Variants in CAMKMT observed in about 807,000 individuals in gnomAD.
The protein encoded by CAMKMT is calmodulin-lysine N-methyltransferase.
CAMKMT carries 53 observed loss-of-function variants against 48.0 expected under a neutral mutation model. The observed-to-expected ratio is 1.10, with a 90% confidence interval of 0.89 to 1.39. The LOEUF (loss-of-function observed/expected upper bound fraction) is 1.39. Among genes scored for constraint, CAMKMT ranks in the 40% most tolerant of loss-of-function variants. The pLI, the probability that CAMKMT is intolerant of heterozygous loss-of-function variation, is 0.00. For missense variants in CAMKMT, 428 were observed against 402.7 expected, an observed-to-expected ratio of 1.06 and a Z score of -0.54; for synonymous variants, 165 against 152.3, an observed-to-expected ratio of 1.08 and a Z score of -0.61.
At chr2:44,408,891 A>T (rs892345363) in intron 3 of CAMKMT, among the ~76,000 whole-genome samples, 1 of 151,500 alleles carries the variant, frequency 6.6e-6, no homozygotes, top group Non-Finnish European at 1.5e-5. Context: ...ACAGGTGCAC[A>T]CCACCACACC....
intron 3 of CAMKMT, among the ~76,000 whole-genome samples, chr2:44,632,505 G>A (rs1051483903): frequency 6.6e-6 from 1 of 152,150 alleles, no homozygotes; most frequent in African/African-American, 2.4e-5. Flanking sequence ...AGATTAACAT[G>A]TCTATAATTT....
intron 3 of CAMKMT, among the ~76,000 whole-genome samples, chr2:44,422,792 C>G (rs1294758465): frequency 1.3e-5 from 2 of 151,906 alleles, no homozygotes; most frequent in African/African-American, 4.8e-5. Context: ...GTTTTGTCTC[C>G]CAGTTGACAC....
intron 3 of CAMKMT, among the ~76,000 whole-genome samples, chr2:44,702,416 T>G (rs191811137): frequency 6.6e-6 from 1 of 152,336 alleles, no homozygotes; most frequent in East Asian, 1.9e-4. Flanking sequence ...AACAATGCTT[T>G]CTTTTTCTTT....
intron 3 of CAMKMT, among the ~76,000 whole-genome samples, chr2:44,682,709 T>C (rs1363851497): frequency 6.6e-6 from 1 of 152,298 alleles, no homozygotes; most frequent in East Asian, 1.9e-4. Flanking sequence ...TGTTCCTGAG[T>C]GCAGAGACAA....
Position 44,744,682 on chromosome 2 carries a change from T to G in CAMKMT, c.698+986T>G, listed in dbSNP as rs146638122. Among the ~76,000 whole-genome samples the G allele has an allele frequency of 6.8e-3, 1,040 of 152,252 alleles. 14 individuals carry two copies. The highest frequency in any genetic ancestry group is 0.024 in the African/African-American group (981 of 41,546). ...AGGGAAGACTTTCCCTAGAGGAGAATTGAATGAAATTTTCAGGAAGTGGGT... is the reference window on the plus strand; with the variant it reads ...AGGGAAGACTTTCCCTAGAGGAGAAGTGAATGAAATTTTCAGGAAGTGGGT... On this transcript the variant is annotated intron_variant, in intron 8 of 10. Transcript: ENST00000378494.
At chr2:44,474,562 T>C (rs1416950436) in intron 3 of CAMKMT, among the ~76,000 whole-genome samples, 1 of 151,358 alleles carries the variant, frequency 6.6e-6, no homozygotes, top group Non-Finnish European at 1.5e-5. Flanking sequence ...TCAAAGGAAA[T>C]ATAACCAAGT....
At position 44,472,102 on chromosome 2, in the gene CAMKMT, G is replaced by C. The variant is rs1034147145; in HGVS notation, c.376+81797G>C. On this transcript the variant is annotated intron_variant, in intron 3 of 10. Coordinates refer to ENST00000378494, the MANE Select transcript of CAMKMT (RefSeq NM_024766.5). The stretch of plus-strand genomic sequence containing the variant: ...ATTTTTTGCTTTGAGATGGAGTCTC[G>C]CTCTGTTGCCCCGGCTGGAGTGCAG... Among the ~76,000 whole-genome samples, 3 of 152,160 alleles carry C rather than the reference G, an allele frequency of 2.0e-5. No homozygotes were observed. In the East Asian group the frequency reaches 5.8e-4, roughly 29 times the overall value.
intron 3 of CAMKMT, among the ~76,000 whole-genome samples, chr2:44,633,440 T>G (rs1672952099): frequency 6.6e-6 from 1 of 152,194 alleles, no homozygotes; most frequent in South Asian, 2.1e-4. Context: ...TCACTGAGGC[T>G]CTGTTGTTTT....
chr2:44,516,487 T>TA (rs1378525702), intron 3 of CAMKMT, among the ~76,000 whole-genome samples: 3 of 152,096 alleles, frequency 2.0e-5, no homozygotes, highest in Non-Finnish European at 4.4e-5. Context: ...TCCCAAATGT[T>TA]AAAAAATTTT....
Position 44,522,230 on chromosome 2 carries a change from C to A in CAMKMT, c.376+131925C>A, listed in dbSNP as rs1671153826. On this transcript the variant is annotated intron_variant, in intron 3 of 10. Coordinates refer to ENST00000378494, the MANE Select transcript of CAMKMT (RefSeq NM_024766.5). ...CTGTATTAGCCGGGATGGTCTTGAT[C>A]TCCTGACCTCGTGATATGCTCGCCT... is the stretch of plus-strand genomic sequence containing the variant. Among the ~76,000 whole-genome samples the A allele has an allele frequency of 2.0e-5, 3 of 152,082 alleles. No individual in the cohort carries two copies. The South Asian group carries it at 6.2e-4, about 32-fold the overall frequency.
At chr2:44,671,864 C>T (rs1306367789) in intron 3 of CAMKMT, among the ~76,000 whole-genome samples, 1 of 152,158 alleles carries the variant, frequency 6.6e-6, no homozygotes, top group East Asian at 1.9e-4. Context: ...AGACAAAGGG[C>T]AGTTCCCACC....
chr2:44,492,375 A>G (rs1459691282), intron 3 of CAMKMT, among the ~76,000 whole-genome samples: 1 of 152,176 alleles, frequency 6.6e-6, no homozygotes, highest in African/African-American at 2.4e-5. Context: ...TTGATAGTCA[A>G]TACTTGTTTC....
intron 3 of CAMKMT, among the ~76,000 whole-genome samples, chr2:44,469,133 T>C (rs540258366): frequency 6.6e-6 from 1 of 152,226 alleles, no homozygotes; most frequent in Non-Finnish European, 1.5e-5. Context: ...AGAGTGACTA[T>C]CGTTAACAAA....
intron 3 of CAMKMT, among the ~76,000 whole-genome samples, chr2:44,614,960 T>TTTTTTTTTTTA (rs1671802323): frequency 2.1e-5 from 3 of 140,014 alleles, no homozygotes; most frequent in Admixed American, 7.2e-5. Context: ...TTTTTTTTTT[T>TTTTTTTTTTTA]GAGACAGGGT....
chr2:44,461,273 A>G (rs1363024021), intron 3 of CAMKMT, among the ~76,000 whole-genome samples: 1 of 152,208 alleles, frequency 6.6e-6, no homozygotes, highest in Non-Finnish European at 1.5e-5. Flanking sequence ...GTCTATATGC[A>G]CGACTTTCTG....
At chr2:44,601,672 C>G (rs1032847806) in intron 3 of CAMKMT, among the ~76,000 whole-genome samples, 2 of 151,932 alleles carry the variant, frequency 1.3e-5, no homozygotes, top group Non-Finnish European at 2.9e-5. Context: ...TTACTATTCT[C>G]TAAATTCCAT....
chr2:44,679,896 A>C (rs139649747), intron 3 of CAMKMT, among the ~76,000 whole-genome samples: 1 of 152,244 alleles, frequency 6.6e-6, no homozygotes, highest in Admixed American at 6.5e-5. Context: ...CTAAGTGGTT[A>C]GTAAAACATA....
Position 44,408,926 on chromosome 2 carries a change from GA to G in CAMKMT, c.376+18622del, listed in dbSNP as rs757218824. On this transcript the variant is annotated intron_variant, in intron 3 of 10. Coordinates refer to ENST00000378494, the MANE Select transcript of CAMKMT (RefSeq NM_024766.5). ...CTGGCTAATATTTGTATTTTTTATA[GA>G]GACAGTGTTTTGCCACGTTGCCCAG... is the stretch of plus-strand genomic sequence containing the variant. Among the ~76,000 whole-genome samples, 5 of 151,586 alleles carry G rather than the reference GA, an allele frequency of 3.3e-5. No individual in the cohort carries two copies. The East Asian group carries it at 9.8e-4, about 30-fold the overall frequency.
intron 3 of CAMKMT, among the ~76,000 whole-genome samples, chr2:44,442,343 A>G (rs529561359): frequency 6.6e-6 from 1 of 152,238 alleles, no homozygotes; most frequent in Admixed American, 6.5e-5. Context: ...AAGCAAAATT[A>G]TATACATAAA....
Sources: allele counts gnomAD v4.1 joint callset (sites outside exome capture counted in the v4.1 genomes callset), GRCh38; gene constraint gnomAD v4.1.1; transcripts MANE v1.5; gene names NCBI Gene and HGNC (gene_info 2026-07-23, HGNC 2026-07-21).